Variants in PARD3 observed in about 807,000 individuals in gnomAD.
PARD3 encodes partitioning defective 3 homolog.
A neutral mutation model predicts 155.4 loss-of-function variants in PARD3; 75 were observed. The ratio of observed to expected loss-of-function variants is 0.48; its 90% CI spans 0.40 to 0.58. The LOEUF (loss-of-function observed/expected upper bound fraction) is 0.58, where lower values mean the gene tolerates loss of function less well. Ranked by LOEUF, PARD3 falls within the 20% of genes least tolerant of loss-of-function variation. PARD3 has a pLI of 0.00. For missense variants in PARD3, 1,642 were observed against 1,721.7 expected (o/e 0.95, Z 0.82); for synonymous variants, 576 against 610.5 (o/e 0.94, Z 0.83).
chr10:34,388,863 A>C (rs1476951426), intron 7 of PARD3, among the ~76,000 whole-genome samples: 3 of 152,348 alleles, frequency 2.0e-5, no homozygotes, highest in Middle Eastern at 3.4e-3. Context: ...AGAGCAGAAC[A>C]ACCCCAGATT....
intron 22 of PARD3, among the ~76,000 whole-genome samples, chr10:34,151,940 A>G (rs1948801000): frequency 6.6e-6 from 1 of 152,150 alleles, no homozygotes; most frequent in African/African-American, 2.4e-5. Context: ...AAGATTCTAT[A>G]AAATATACAT....
intron 22 of PARD3, among the ~76,000 whole-genome samples, chr10:34,203,166 C>T (rs1277405523): frequency 6.6e-6 from 1 of 152,174 alleles, no homozygotes; most frequent in Non-Finnish European, 1.5e-5. Context: ...AGTGTGGGTA[C>T]ACTGCAAGAG....
chr10:34,490,089 C>T (rs563650091), intron 3 of PARD3, among the ~76,000 whole-genome samples: 1 of 152,294 alleles, frequency 6.6e-6, no homozygotes, highest in Non-Finnish European at 1.5e-5. Context: ...TTCTCACCTA[C>T]ATCTACCATC....
chr10:34,422,260 G>C (rs1001971017), intron 5 of PARD3, among the ~76,000 whole-genome samples: 1 of 152,098 alleles, frequency 6.6e-6, no homozygotes, highest in Non-Finnish European at 1.5e-5. Context: ...CATAACTCAG[G>C]TTCCTCAACC....
At chr10:34,341,857 G>A (rs752303018) in intron 15 of PARD3, 41 bp from the exon 16 acceptor site, 9 of 1,254,730 alleles carry the variant, frequency 7.2e-6, no homozygotes, top group Non-Finnish European at 7.9e-6. Context: ...TCTAGACATC[G>A]ATCAAAGTGT....
At chr10:34,694,470 CTTTTTT>C (rs34628015) in intron 2 of PARD3, among the ~76,000 whole-genome samples, 10 of 101,922 alleles carry the variant, frequency 9.8e-5, no homozygotes, top group African/African-American at 3.9e-4. Context: ...AAAACTTCTG[CTTTTTT>C]TTTTTTTTTT....
chr10:34,248,980 T>C (rs1247182377), intron 22 of PARD3, among the ~76,000 whole-genome samples: 1 of 152,224 alleles, frequency 6.6e-6, no homozygotes, highest in Admixed American at 6.5e-5. Context: ...ACATAAGAGT[T>C]CTTTTAATTC....
At chr10:34,716,200 T>C (rs183296591) in intron 1 of PARD3, among the ~76,000 whole-genome samples, 594 of 152,364 alleles carry the variant, frequency 3.9e-3, no homozygotes, top group African/African-American at 0.013. Flanking sequence ...ATGTAATGCG[T>C]GTGCCTTCAG....
intron 2 of PARD3, among the ~76,000 whole-genome samples, chr10:34,522,566 G>A (rs1334085783): frequency 6.6e-6 from 1 of 152,108 alleles, no homozygotes; most frequent in African/African-American, 2.4e-5. Context: ...TTCTACTTTT[G>A]TAAATATGAG....
intron 22 of PARD3, among the ~76,000 whole-genome samples, chr10:34,267,360 G>A (rs1415652292): frequency 6.6e-6 from 1 of 152,078 alleles, no homozygotes; most frequent in Non-Finnish European, 1.5e-5. Flanking sequence ...TAGATAATAA[G>A]CAAGTGAACC....
chr10:34,615,238 G>A (rs529342941), intron 2 of PARD3, among the ~76,000 whole-genome samples: 3 of 152,108 alleles, frequency 2.0e-5, no homozygotes, highest in South Asian at 4.2e-4. Flanking sequence ...AAAAAACAAA[G>A]CTACAGTAAC....
At chr10:34,614,676 T>A (rs1227850148) in intron 2 of PARD3, among the ~76,000 whole-genome samples, 1 of 152,226 alleles carries the variant, frequency 6.6e-6, no homozygotes, top group Non-Finnish European at 1.5e-5. Context: ...TATTTTTGCT[T>A]AACTTTCTAA....
At chr10:34,681,543 AAGG>A (rs2093819634) in intron 2 of PARD3, among the ~76,000 whole-genome samples, 1 of 151,052 alleles carries the variant, frequency 6.6e-6, no homozygotes, top group African/African-American at 2.4e-5. Context: ...CTAAGAAAAA[AAGG>A]ATACAAAACT....
At chr10:34,418,198 C>T (rs866014152) in intron 5 of PARD3, among the ~76,000 whole-genome samples, 59 of 152,146 alleles carry the variant, frequency 3.9e-4, no homozygotes, top group African/African-American at 1.1e-3. Context: ...CTGTTTGAGG[C>T]GTGGTCTTGT....
At chr10:34,308,753 T>C (rs1357547429) in intron 20 of PARD3, among the ~76,000 whole-genome samples, 2 of 152,160 alleles carry the variant, frequency 1.3e-5, no homozygotes, top group African/African-American at 2.4e-5. Flanking sequence ...CATCTGCCTA[T>C]AGGCTGTATT....
intron 1 of PARD3, among the ~76,000 whole-genome samples, chr10:34,792,955 A>T (rs1841846385): frequency 6.6e-6 from 1 of 152,244 alleles, no homozygotes; most frequent in Non-Finnish European, 1.5e-5. Flanking sequence ...TATACCTTGA[A>T]TTCAACATAA....
chr10:34,291,302 A>T (rs1038380184), intron 20 of PARD3, among the ~76,000 whole-genome samples: 1 of 152,224 alleles, frequency 6.6e-6, no homozygotes, highest in Admixed American at 6.5e-5. Flanking sequence ...GCAAGCTAGG[A>T]CAAGGGTTCA....
At chr10:34,617,026 C>T (rs1031844970) in intron 2 of PARD3, among the ~76,000 whole-genome samples, 3 of 151,350 alleles carry the variant, frequency 2.0e-5, no homozygotes, top group Non-Finnish European at 4.4e-5. Flanking sequence ...GAGGCCAAGG[C>T]GGGGATCTCT....
At chr10:34,688,710 G>A (rs975550889) in intron 2 of PARD3, among the ~76,000 whole-genome samples, 1 of 152,180 alleles carries the variant, frequency 6.6e-6, no homozygotes, top group African/African-American at 2.4e-5. Context: ...AGTGAGAACT[G>A]TATAGGCACT....
Sources: gnomAD v4.1 joint callset for allele counts (sites outside exome capture counted in the v4.1 genomes callset) on GRCh38, gnomAD v4.1.1 for gene constraint, MANE v1.5 for transcripts, NCBI Gene and HGNC (gene_info 2026-07-23, HGNC 2026-07-21) for gene names.